The following CCDC192 variants were observed in gnomAD, a reference collection of about 807,000 sequenced individuals.
The protein encoded by CCDC192 is coiled-coil domain containing 192.
chr5:127,857,995 G>T (rs1751174213), intron 5 of CCDC192, among the ~76,000 whole-genome samples: 1 of 152,162 alleles, frequency 6.6e-6, no homozygotes, highest in Non-Finnish European at 1.5e-5. Flanking sequence ...TAACCGTCAT[G>T]CAGGGTGACA....
At chr5:127,854,475 C>G (rs1392616940) in intron 5 of CCDC192, among the ~76,000 whole-genome samples, 1 of 152,136 alleles carries the variant, frequency 6.6e-6, no homozygotes, top group Non-Finnish European at 1.5e-5. Context: ...TAGTTAATCT[C>G]TCACTGTGCC....
At chr5:127,887,971 G>A (rs1366173310) in intron 6 of CCDC192, among the ~76,000 whole-genome samples, 1 of 151,878 alleles carries the variant, frequency 6.6e-6, no homozygotes, top group African/African-American at 2.4e-5. Context: ...CCAAAGTGCT[G>A]GGATTACAGG....
intron 5 of CCDC192, among the ~76,000 whole-genome samples, chr5:127,815,462 A>G (rs976998267): frequency 2.0e-5 from 3 of 152,128 alleles, no homozygotes; most frequent in African/African-American, 4.8e-5. Context: ...CAGGTTTTAC[A>G]TGATTTCTAT....
At chr5:127,775,244 C>A (rs189469012) in intron 3 of CCDC192, among the ~76,000 whole-genome samples, 1 of 152,286 alleles carries the variant, frequency 6.6e-6, no homozygotes, top group Non-Finnish European at 1.5e-5. Flanking sequence ...CCCCCATTAC[C>A]TCCTCTATTG....
At chr5:127,813,299 CAAGG>C (rs1758184008) in intron 5 of CCDC192, among the ~76,000 whole-genome samples, 1 of 152,032 alleles carries the variant, frequency 6.6e-6, no homozygotes, top group South Asian at 2.1e-4. Flanking sequence ...GAAGCACCCT[CAAGG>C]AAATTGAATG....
rs2126971944 is a variant in CCDC192, at chr5:127,798,605, C to G, written c.411+443C>G. Among the ~76,000 whole-genome samples, 4 of 152,182 alleles carry G rather than the reference C, an allele frequency of 2.6e-5. No individual in the cohort carries two copies. In the East Asian group the frequency reaches 7.7e-4, roughly 29 times the overall value. On this transcript the variant is annotated intron_variant, in intron 5 of 6. Coordinates refer to ENST00000514853, the MANE Select transcript of CCDC192 (RefSeq NM_001317938.2). ...TACTCAGATTCTGTTTCCTGCATGCCTAGGTTGGGGCCTGGGAATTTGCAC... is the reference window on the plus strand; with the variant it reads ...TACTCAGATTCTGTTTCCTGCATGCGTAGGTTGGGGCCTGGGAATTTGCAC...
intron 2 of CCDC192, 55 bp from the exon 3 acceptor site, chr5:127,754,213 A>T: frequency 2.5e-6 from 1 of 397,230 alleles, no homozygotes. Flanking sequence ...ATTGTTTGAG[A>T]TGCACTCAAA....
At chr5:127,868,705 G>A (rs986740979) in intron 5 of CCDC192, among the ~76,000 whole-genome samples, 1 of 152,016 alleles carries the variant, frequency 6.6e-6, no homozygotes, top group Non-Finnish European at 1.5e-5. Flanking sequence ...TCAACATGAC[G>A]AAACCCAGTC....
intron 5 of CCDC192, among the ~76,000 whole-genome samples, chr5:127,840,271 G>T (rs141907847): frequency 4.6e-4 from 70 of 152,276 alleles, no homozygotes; most frequent in African/African-American, 1.6e-3. Flanking sequence ...AAATGTATAA[G>T]GCTGAGAAAG....
intron 6 of CCDC192, among the ~76,000 whole-genome samples, chr5:127,894,523 T>C (rs934342257): frequency 3.3e-5 from 5 of 152,132 alleles, no homozygotes; most frequent in African/African-American, 1.2e-4. Context: ...TTTATATAAA[T>C]ATAGTCATTA....
At chr5:127,803,590 G>A (rs2126983867) in intron 5 of CCDC192, among the ~76,000 whole-genome samples, 1 of 152,292 alleles carries the variant, frequency 6.6e-6, no homozygotes, top group East Asian at 1.9e-4. Flanking sequence ...TATGTTGCCT[G>A]TGTTTAGTAT....
At chr5:127,762,951 T>G (rs890301049) in intron 3 of CCDC192, among the ~76,000 whole-genome samples, 5 of 152,242 alleles carry the variant, frequency 3.3e-5, no homozygotes, top group African/African-American at 1.2e-4. Flanking sequence ...TTGGTACTTC[T>G]GTGAATTTTA....
chr5:127,861,964 T>G (rs1056276937), intron 5 of CCDC192, among the ~76,000 whole-genome samples: 4 of 152,164 alleles, frequency 2.6e-5, no homozygotes, highest in African/African-American at 4.8e-5. Context: ...CATTTTTAGT[T>G]GTTTTGATCT....
At chr5:127,880,339 A>G (rs528816322) in intron 6 of CCDC192, among the ~76,000 whole-genome samples, 1 of 151,858 alleles carries the variant, frequency 6.6e-6, no homozygotes, top group South Asian at 2.1e-4. Flanking sequence ...ATTCTCAGTA[A>G]ACTATCCCAA....
chr5:127,834,674 T>C (rs1749951910), intron 5 of CCDC192, among the ~76,000 whole-genome samples: 2 of 152,204 alleles, frequency 1.3e-5, no homozygotes, highest in African/African-American at 4.8e-5. Context: ...GGAGCAACTG[T>C]TGCGTGCAAA....
intron 6 of CCDC192, among the ~76,000 whole-genome samples, chr5:127,883,449 A>G (rs1203600114): frequency 6.6e-6 from 1 of 152,254 alleles, no homozygotes; most frequent in Non-Finnish European, 1.5e-5. Context: ...TGCCTTACAG[A>G]AATAGCTCAT....
intron 6 of CCDC192, among the ~76,000 whole-genome samples, chr5:127,890,870 C>T (rs1001198562): frequency 6.6e-6 from 1 of 152,218 alleles, no homozygotes; most frequent in Admixed American, 6.5e-5. Flanking sequence ...CTGTTCTCCA[C>T]TGCTACCTGG....
At chr5:127,772,881 A>G (rs1755644504) in intron 3 of CCDC192, among the ~76,000 whole-genome samples, 1 of 152,210 alleles carries the variant, frequency 6.6e-6, no homozygotes, top group Non-Finnish European at 1.5e-5. Context: ...GATGATCAGT[A>G]TCTGCTACAG....
chr5:127,785,075 G>A, intron 3 of CCDC192: 1 of 512,596 alleles, frequency 2.0e-6, no homozygotes, highest in South Asian at 1.4e-5. Context: ...GTCAGCTGCT[G>A]TACAGTGTAG....
Sources: gnomAD v4.1 joint callset for allele counts (sites outside exome capture counted in the v4.1 genomes callset) on GRCh38, gnomAD v4.1.1 for gene constraint, MANE v1.5 for transcripts, NCBI Gene and HGNC (gene_info 2026-07-23, HGNC 2026-07-21) for gene names.